Variants in MAF observed in about 807,000 individuals in gnomAD.
The protein encoded by MAF is MAF bZIP transcription factor, also known as transcription factor Maf.
Under a neutral mutation model 22.0 loss-of-function variants are expected in MAF, and 10 were observed. The observed-to-expected ratio is 0.45, with a 90% CI of 0.28 to 0.77. The LOEUF (loss-of-function observed/expected upper bound fraction) is 0.77, where lower values mean the gene tolerates loss of function less well. Among genes scored for constraint, MAF ranks in the 30% least tolerant of loss-of-function variants. MAF has a pLI of 0.12. For synonymous variants in MAF, 337 were observed against 255.8 expected (o/e 1.32, Z -3.03); for missense variants, 544 against 548.4 (o/e 0.99, Z 0.08).
At chr16:79,532,823 A>G in the MAF span, among the ~76,000 whole-genome samples, 1 of 152,232 alleles carries the variant, frequency 6.6e-6, no homozygotes, top group Admixed American at 6.5e-5. Context: ...GAAGGAGCAC[A>G]TGGACCTTGT....
the MAF span, among the ~76,000 whole-genome samples, chr16:79,303,417 A>C: frequency 6.6e-6 from 1 of 152,104 alleles, no homozygotes; most frequent in Non-Finnish European, 1.5e-5. Context: ...AAGAGTGTGC[A>C]ATGTGGGAAG....
In MAF at chr16:79,599,854, G is replaced by C; in HGVS notation, c.49C>G (p.Leu17Val). The C allele has an allele frequency of 6.2e-7, 1 of 1,609,558 alleles. No homozygotes were observed. The highest frequency in any genetic ancestry group is 8.5e-7 in the Non-Finnish European group (1 of 1,179,882). Reference sequence around the variant, plus strand: ...AAGTCATTAACATATTCCATGGCCAGGGGACTGGTGGGCAGGTCGGAGTTG... The same window carrying C: ...AAGTCATTAACATATTCCATGGCCACGGGACTGGTGGGCAGGTCGGAGTTG... Reference protein sequence around the residue: ...MSNSDLPTSPLAMEYVNDFDL... With the variant: ...MSNSDLPTSPVAMEYVNDFDL... Residue 17 changes from leucine (L) to valine (V), a missense_variant, in exon 1 of 2, where the codon CTG becomes GTG. Around this residue, in one of 5 missense-constraint regions of MAF, gnomAD observed 63 missense variants for 72.7 expected, o/e 0.87. Transcript: ENST00000326043.
the MAF span, among the ~76,000 whole-genome samples, chr16:79,274,352 T>A: frequency 3.9e-5 from 6 of 151,934 alleles, no homozygotes; most frequent in African/African-American, 9.7e-5. Context: ...CAGACACTAG[T>A]CAAAAATGCA....
At chr16:79,476,395 G>C in the MAF span, among the ~76,000 whole-genome samples, 1 of 152,206 alleles carries the variant, frequency 6.6e-6, no homozygotes, top group African/African-American at 2.4e-5. Context: ...CACAGCAATA[G>C]GCAACTGATA....
At chr16:79,575,246 C>T in the MAF span, among the ~76,000 whole-genome samples, 12 of 152,058 alleles carry the variant, frequency 7.9e-5, no homozygotes, top group Non-Finnish European at 1.0e-4. Context: ...GTGGTCATTG[C>T]CCAAGCCTTA....
the MAF span, among the ~76,000 whole-genome samples, chr16:79,236,687 C>T: frequency 1.3e-5 from 2 of 152,024 alleles, no homozygotes; most frequent in Admixed American, 6.6e-5. Flanking sequence ...TTTCCTTGTC[C>T]TCTGAGTAGG....
At chr16:79,233,923 C>T in the MAF span, among the ~76,000 whole-genome samples, 10,926 of 147,866 alleles carry the variant, frequency 0.074, 584 homozygotes, top group Middle Eastern at 0.15. Context: ...ATATGGGAGG[C>T]GGAGGTTGCG....
At chr16:79,246,548 GTGT>G in the MAF span, among the ~76,000 whole-genome samples, 39 of 129,628 alleles carry the variant, frequency 3.0e-4, no homozygotes, top group African/African-American at 6.8e-4. Flanking sequence ...TTTGGGGGGG[GTGT>G]GGGGGTGTAT....
At chr16:79,330,255 C>A in the MAF span, among the ~76,000 whole-genome samples, 6 of 152,230 alleles carry the variant, frequency 3.9e-5, no homozygotes, top group African/African-American at 1.4e-4. Flanking sequence ...CGCTAGTGGG[C>A]ATTTTGTTTT....
chr16:79,413,210 G>GTTGTTTTTTT, the MAF span, among the ~76,000 whole-genome samples: 25 of 63,642 alleles, frequency 3.9e-4, 3 homozygotes, highest in Non-Finnish European at 5.4e-4. Context: ...GAGCTGTGCA[G>GTTGTTTTTTT]TTTTTTTTTT....
the MAF span, among the ~76,000 whole-genome samples, chr16:79,261,187 T>A: frequency 2.6e-5 from 4 of 152,074 alleles, no homozygotes; most frequent in Admixed American, 2.6e-4. Flanking sequence ...AGTCTTGCTC[T>A]TGTCACCCAG....
At chr16:79,305,920 C>G in the MAF span, among the ~76,000 whole-genome samples, 1 of 152,184 alleles carries the variant, frequency 6.6e-6, no homozygotes, top group East Asian at 1.9e-4. Context: ...TTCTGCCACC[C>G]AAGTCCTGGC....
At chr16:79,559,935 G>C in the MAF span, among the ~76,000 whole-genome samples, 1 of 152,126 alleles carries the variant, frequency 6.6e-6, no homozygotes, top group African/African-American at 2.4e-5. Context: ...ACAGGGTCTG[G>C]CTCTGTCATC....
the MAF span, among the ~76,000 whole-genome samples, chr16:79,434,936 C>A: frequency 6.6e-6 from 1 of 152,096 alleles, no homozygotes. Context: ...AGGGAGGCAA[C>A]GATTTGTTAA....
the MAF span, among the ~76,000 whole-genome samples, chr16:79,402,442 C>T: frequency 6.6e-6 from 1 of 152,196 alleles, no homozygotes; most frequent in Non-Finnish European, 1.5e-5. Flanking sequence ...AGGCTACAAG[C>T]ATTCTTCCAG....
chr16:79,336,799 T>C, the MAF span, among the ~76,000 whole-genome samples: 1 of 152,222 alleles, frequency 6.6e-6, no homozygotes, highest in African/African-American at 2.4e-5. Flanking sequence ...TTTTCTCTTT[T>C]TCAAGTTTGG....
At chr16:79,427,385 G>C in the MAF span, among the ~76,000 whole-genome samples, 1 of 152,216 alleles carries the variant, frequency 6.6e-6, no homozygotes, top group Non-Finnish European at 1.5e-5. Flanking sequence ...AACAGGGCTT[G>C]AACAGCCCCA....
At chr16:79,245,496 A>T in the MAF span, among the ~76,000 whole-genome samples, 1 of 152,144 alleles carries the variant, frequency 6.6e-6, no homozygotes, top group African/African-American at 2.4e-5. Context: ...GCAAATTGAA[A>T]CCACAATGAG....
At chr16:79,448,436 T>C in the MAF span, among the ~76,000 whole-genome samples, 3 of 152,060 alleles carry the variant, frequency 2.0e-5, no homozygotes, top group Admixed American at 1.3e-4. Flanking sequence ...GTTTTTGTTT[T>C]TGTTTTTGAG....
Sources: gnomAD v4.1 joint callset for allele counts (sites outside exome capture counted in the v4.1 genomes callset) on GRCh38, gnomAD v4.1.1 for gene constraint, gnomAD v4.1.1 regional missense constraint, MANE v1.5 for transcripts, NCBI Gene and HGNC (gene_info 2026-07-23, HGNC 2026-07-21) for gene names.